The following UST variants were observed in gnomAD, a reference collection of about 807,000 sequenced individuals.
UST encodes the protein chondroitin sulfate 2-O-sulfotransferase.
A neutral mutation model predicts 45.6 loss-of-function variants in UST; 21 were observed. The ratio of observed to expected loss-of-function variants is 0.46; its 90% CI spans 0.33 to 0.66. UST has a LOEUF of 0.66. Among genes scored for constraint, UST ranks in the 30% least tolerant of loss-of-function variants. UST has a pLI of 0.02. For synonymous variants in UST, 215 were observed against 200.6 expected (o/e 1.07, Z -0.61); for missense variants, 463 against 512.4 (o/e 0.90, Z 0.93).
chr6:148,786,354 C>T (rs189014096), intron 1 of UST, among the ~76,000 whole-genome samples: 3 of 152,248 alleles, frequency 2.0e-5, no homozygotes, highest in Admixed American at 2.0e-4. Flanking sequence ...TCCCAGCATC[C>T]ACTAGCTATT....
intron 2 of UST, among the ~76,000 whole-genome samples, chr6:148,918,164 A>G (rs1307098661): frequency 6.6e-6 from 1 of 152,208 alleles, no homozygotes. Flanking sequence ...CCACTGCTTT[A>G]TGAATTGAAT....
At chr6:149,006,134 T>C (rs1018393848) in intron 5 of UST, among the ~76,000 whole-genome samples, 6 of 152,326 alleles carry the variant, frequency 3.9e-5, no homozygotes, top group Non-Finnish European at 7.4e-5. Context: ...ACATGCAGTT[T>C]TGTTACATAG....
intron 7 of UST, among the ~76,000 whole-genome samples, chr6:149,058,745 C>T (rs187559748): frequency 1.3e-5 from 2 of 152,202 alleles, no homozygotes; most frequent in Admixed American, 6.5e-5. Context: ...TTGATAAAGA[C>T]ATAGTAATTC....
chr6:148,837,339 A>G (rs75522423), intron 1 of UST, among the ~76,000 whole-genome samples: 1 of 152,192 alleles, frequency 6.6e-6, no homozygotes, highest in African/African-American at 2.4e-5. Flanking sequence ...CATGCAGAGA[A>G]CCTAGTAGCA....
intron 3 of UST, among the ~76,000 whole-genome samples, chr6:148,952,486 T>C (rs1286984386): frequency 1.3e-5 from 2 of 152,234 alleles, no homozygotes; most frequent in Non-Finnish European, 2.9e-5. Context: ...AGCTTGAATA[T>C]CTAATTACAA....
chr6:148,958,767 G>A (rs546650643), intron 4 of UST, among the ~76,000 whole-genome samples: 13 of 152,212 alleles, frequency 8.5e-5, no homozygotes, highest in African/African-American at 1.7e-4. Flanking sequence ...TTTGGGGGGC[G>A]TATAAATATT....
At chr6:148,852,731 A>T (rs1009241916) in intron 1 of UST, among the ~76,000 whole-genome samples, 2 of 152,110 alleles carry the variant, frequency 1.3e-5, no homozygotes, top group African/African-American at 4.8e-5. Flanking sequence ...CTCAGGTAGC[A>T]TCTTCCCCGG....
chr6:148,989,277 G>T (rs1781303437), intron 5 of UST, among the ~76,000 whole-genome samples: 1 of 142,076 alleles, frequency 7.0e-6, no homozygotes, highest in African/African-American at 2.7e-5. Context: ...GAATGGTGAA[G>T]ATAGGGAAGG....
chr6:148,802,607 A>T (rs1238890320), intron 1 of UST, among the ~76,000 whole-genome samples: 1 of 152,126 alleles, frequency 6.6e-6, no homozygotes, highest in Admixed American at 6.5e-5. Flanking sequence ...TATATGGAGA[A>T]TTTTATATAC....
intron 1 of UST, among the ~76,000 whole-genome samples, chr6:148,880,380 C>A (rs969011599): frequency 2.6e-5 from 4 of 152,206 alleles, no homozygotes; most frequent in African/African-American, 9.6e-5. Context: ...TCTTCAGATT[C>A]TGAGTTACAA....
chr6:148,809,589 G>A (rs923169922), intron 1 of UST, among the ~76,000 whole-genome samples: 8 of 152,172 alleles, frequency 5.3e-5, no homozygotes, highest in Admixed American at 5.2e-4. Flanking sequence ...GAACTGGGAA[G>A]GGTATTTGGA....
intron 1 of UST, among the ~76,000 whole-genome samples, chr6:148,820,383 G>A (rs72999165): frequency 0.011 from 1,675 of 152,142 alleles, 21 homozygotes; most frequent in Admixed American, 0.021. Context: ...CTATATGAAA[G>A]TTGGTTGTTG....
chr6:148,955,826 A>G (rs1780484121), intron 4 of UST: 1 of 152,234 alleles, frequency 6.6e-6, no homozygotes, highest in African/African-American at 2.4e-5. Flanking sequence ...ACAGATTGCA[A>G]TGCAACAAAT....
At chr6:148,866,892 G>C (rs545221581) in intron 1 of UST, among the ~76,000 whole-genome samples, 66 of 6,844 alleles carry the variant, frequency 9.6e-3, no homozygotes, top group Middle Eastern at 0.094. Context: ...CCTCCACAAG[G>C]CATTTTTTTT....
intron 1 of UST, among the ~76,000 whole-genome samples, chr6:148,876,336 C>T (rs190254942): frequency 1.3e-5 from 2 of 152,222 alleles, no homozygotes; most frequent in South Asian, 2.1e-4. Context: ...CCTCCAACAC[C>T]GAGGATTATA....
At chr6:148,944,001 G>C (rs1780182947) in intron 3 of UST, among the ~76,000 whole-genome samples, 1 of 152,124 alleles carries the variant, frequency 6.6e-6, no homozygotes, top group Non-Finnish European at 1.5e-5. Flanking sequence ...AACATTTAGA[G>C]AAACACTTTT....
intron 7 of UST, among the ~76,000 whole-genome samples, chr6:149,072,325 A>G (rs925453582): frequency 2.6e-5 from 4 of 152,210 alleles, no homozygotes; most frequent in African/African-American, 9.6e-5. Context: ...ATTGCGTTCT[A>G]TCTATACAAT....
chr6:148,879,952 C>CTTTTTTTTTTCTTTTTTTTTTTTTT (rs1582874251), intron 1 of UST, among the ~76,000 whole-genome samples: 1 of 119,856 alleles, frequency 8.3e-6, no homozygotes, highest in Admixed American at 8.1e-5. Context: ...TTTTTTTTTT[C>CTTTTTTTTTTCTTTTTTTTTTTTTT]TTTTTTTTTT....
intron 1 of UST, among the ~76,000 whole-genome samples, chr6:148,834,677 C>T (rs1483673650): frequency 1.3e-5 from 2 of 152,008 alleles, no homozygotes; most frequent in Non-Finnish European, 2.9e-5. Flanking sequence ...AGAGGTGAAC[C>T]GAGATTGCGC....
Sources: allele counts gnomAD v4.1 joint callset (sites outside exome capture counted in the v4.1 genomes callset), GRCh38; gene constraint gnomAD v4.1.1; transcripts MANE v1.5; gene names NCBI Gene and HGNC (gene_info 2026-07-23, HGNC 2026-07-21).